Variants in VPS41 observed in about 807,000 individuals in gnomAD.
VPS41 encodes VPS41 subunit of HOPS complex, also known as vacuolar protein sorting-associated protein 41 homolog.
A neutral mutation model predicts 130.9 loss-of-function variants in VPS41; 85 were observed. That is an observed-to-expected ratio of 0.65 (90% CI 0.55 to 0.78). The LOEUF (loss-of-function observed/expected upper bound fraction) is 0.78, where lower values mean the gene tolerates loss of function less well. Ranked by LOEUF, VPS41 falls within the 30% of genes least tolerant of loss-of-function variation. VPS41 has a pLI of 0.00. For missense variants in VPS41, 874 were observed against 1,018.7 expected (o/e 0.86, Z 1.93); for synonymous variants, 335 against 332.9 (o/e 1.01, Z -0.07).
intron 4 of VPS41, among the ~76,000 whole-genome samples, chr7:38,852,034 T>A (rs767227784): frequency 6.6e-6 from 1 of 152,148 alleles, no homozygotes; most frequent in Non-Finnish European, 1.5e-5. Context: ...AAGAATGTTG[T>A]GGAAGTATAG....
chr7:38,778,363 G>T (rs1281851351), intron 10 of VPS41, among the ~76,000 whole-genome samples: 2 of 152,186 alleles, frequency 1.3e-5, no homozygotes, highest in African/African-American at 4.8e-5. Flanking sequence ...GCGTAACCAG[G>T]CTGCGGAAGG....
rs894531606 is a variant in VPS41, at chr7:38,821,265, C to G, written c.322G>C (p.Val108Leu). The change falls in exon 6 of 29, where the codon GTG becomes CTG. Residue 108 changes from valine to leucine, a missense_variant and splice_region_variant. Val to Leu is a conservative substitution (Grantham distance 32). Coordinates refer to ENST00000310301, the MANE Select transcript of VPS41 (RefSeq NM_014396.4). ...HMGVCSEDGKVQVFGLYSGEE... is the reference protein window; with the variant it reads ...HMGVCSEDGKLQVFGLYSGEE... ...CCAGAATACAGTCCAAATACCTGCA[C>G]CTACAAAGAAAATGGATTGTATCAG... is the stretch of plus-strand genomic sequence containing the variant. The G allele has an allele frequency of 6.2e-7, 1 of 1,612,782 alleles. No homozygotes were observed. Among genetic ancestry groups the G allele is most frequent in the Non-Finnish European group, 8.5e-7 (1 of 1,179,060 alleles).
chr7:38,784,583 C>T (rs1003624003), intron 10 of VPS41, among the ~76,000 whole-genome samples: 2 of 145,626 alleles, frequency 1.4e-5, no homozygotes, highest in East Asian at 4.1e-4. Context: ...TGCAGTAAGG[C>T]GTGATTATGC....
At chr7:38,768,171 T>A (rs578250429) in intron 14 of VPS41, among the ~76,000 whole-genome samples, 34 of 152,360 alleles carry the variant, frequency 2.2e-4, no homozygotes, top group Admixed American at 2.2e-3. Flanking sequence ...AGAGTATTCA[T>A]GTTTATTCGC....
At chr7:38,766,386 G>A (rs967805334) in intron 15 of VPS41, among the ~76,000 whole-genome samples, 1 of 152,116 alleles carries the variant, frequency 6.6e-6, no homozygotes, top group African/African-American at 2.4e-5. Flanking sequence ...CCATCCTTAG[G>A]TTGGGAAAAT....
At chr7:38,778,764 G>C (rs548286148) in intron 10 of VPS41, among the ~76,000 whole-genome samples, 1 of 152,222 alleles carries the variant, frequency 6.6e-6, no homozygotes, top group African/African-American at 2.4e-5. Context: ...CAAAAGAAGG[G>C]GTGGGAGAAG....
intron 7 of VPS41, among the ~76,000 whole-genome samples, chr7:38,800,393 A>T (rs1307082610): frequency 6.6e-6 from 1 of 152,088 alleles, no homozygotes; most frequent in Non-Finnish European, 1.5e-5. Context: ...CTGAAATTTT[A>T]TATTATTTTT....
At position 38,817,829 on chromosome 7, in the gene VPS41, G is replaced by A. The variant is rs767652644; in HGVS notation, c.438C>T (p.Thr146=). 1.9e-5 allele frequency: 30 copies of A among 1,613,756 alleles called. No homozygotes were observed. The highest frequency in any genetic ancestry group is 5.0e-5 in the Admixed American group (3 of 59,982). The change falls in exon 7 of 29, where the codon ACC becomes ACT. Residue 146 remains threonine (T), a synonymous_variant. Transcript: ENST00000310301. ...ACACAGCACTTACCTTCTTCCCTCC[G>A]GTCACAAACTGCTTGCAACTGGATC... is the stretch of plus-strand genomic sequence containing the variant. The part of the protein sequence containing the change: ...FVRSSCKQFV[T]GGKKLLLFER...
intron 2 of VPS41, among the ~76,000 whole-genome samples, chr7:38,892,183 A>G (rs1786880602): frequency 6.6e-6 from 1 of 152,062 alleles, no homozygotes; most frequent in African/African-American, 2.4e-5. Context: ...ATCCTGTCAA[A>G]TTCTATAAAG....
chr7:38,843,367 A>G (rs779493881), intron 4 of VPS41, among the ~76,000 whole-genome samples: 35 of 152,196 alleles, frequency 2.3e-4, no homozygotes, highest in Admixed American at 5.2e-4. Context: ...ATGACGTTTT[A>G]AAGATGACTC....
intron 4 of VPS41, among the ~76,000 whole-genome samples, chr7:38,847,184 C>A (rs1157457899): frequency 6.6e-6 from 1 of 152,170 alleles, no homozygotes; most frequent in Non-Finnish European, 1.5e-5. Flanking sequence ...CCCTTCCATT[C>A]ACAAAACAGA....
chr7:38,870,713 C>T (rs1307449222), intron 2 of VPS41, among the ~76,000 whole-genome samples: 4 of 101,782 alleles, frequency 3.9e-5, no homozygotes, highest in African/African-American at 1.6e-4. Flanking sequence ...GTTAGCAGGG[C>T]TTTAAAATAA....
At chr7:38,759,581 C>T (rs768096114) in intron 17 of VPS41, among the ~76,000 whole-genome samples, 3 of 152,138 alleles carry the variant, frequency 2.0e-5, no homozygotes, top group Non-Finnish European at 4.4e-5. Flanking sequence ...CTCCATTTAG[C>T]ATTCCTGGGA....
intron 10 of VPS41, among the ~76,000 whole-genome samples, chr7:38,778,136 A>G (rs1238619105): frequency 6.6e-6 from 1 of 152,236 alleles, no homozygotes; most frequent in Non-Finnish European, 1.5e-5. Context: ...GTCCTCAATT[A>G]AAGTACCATA....
intron 15 of VPS41, 100 bp downstream of exon 15, chr7:38,767,437 C>T: frequency 1.5e-6 from 1 of 675,134 alleles, no homozygotes; most frequent in Non-Finnish European, 2.3e-6. Flanking sequence ...GAAAGATGTA[C>T]AAAAATAAAA....
chr7:38,873,408 C>A (rs1161294273), intron 2 of VPS41, among the ~76,000 whole-genome samples: 3 of 151,564 alleles, frequency 2.0e-5, no homozygotes, highest in African/African-American at 7.3e-5. Context: ...ATTTAAAAGT[C>A]TAGTAGATTA....
intron 6 of VPS41, 41 bp downstream of exon 6, chr7:38,821,162 G>A (rs759326777): frequency 6.6e-7 from 1 of 1,507,288 alleles, no homozygotes; most frequent in East Asian, 2.3e-5. Flanking sequence ...TGCCTTACTT[G>A]AGAAAACCCT....
chr7:38,838,959 T>A (rs1254534851), intron 4 of VPS41, among the ~76,000 whole-genome samples: 1 of 152,130 alleles, frequency 6.6e-6, no homozygotes, highest in Non-Finnish European at 1.5e-5. Flanking sequence ...AAGAAATCAA[T>A]CTCCTAATGT....
chr7:38,805,840 G>A (rs1301099125), intron 7 of VPS41, among the ~76,000 whole-genome samples: 3 of 152,114 alleles, frequency 2.0e-5, no homozygotes, highest in African/African-American at 7.2e-5. Flanking sequence ...GCCTCCCTGG[G>A]AACAACAATA....
Sources: allele counts gnomAD v4.1 joint callset (sites outside exome capture counted in the v4.1 genomes callset), GRCh38; gene constraint gnomAD v4.1.1; transcripts MANE v1.5; gene names NCBI Gene and HGNC (gene_info 2026-07-23, HGNC 2026-07-21).